Variants in COL14A1 observed in about 807,000 individuals in gnomAD.
The protein encoded by COL14A1 is collagen alpha-1(XIV) chain.
A neutral mutation model predicts 230.3 loss-of-function variants in COL14A1; 136 were observed. The ratio of observed to expected loss-of-function variants is 0.59; its 90% confidence interval spans 0.51 to 0.68. The LOEUF (loss-of-function observed/expected upper bound fraction) is 0.68, where lower values mean the gene tolerates loss of function less well. COL14A1 is among the 30% of genes least tolerant of loss of function. The probability of loss-of-function intolerance (pLI) is 0.00; values close to 1 mark genes in which losing one functional copy is unlikely to be tolerated. For synonymous variants in COL14A1, 792 were observed against 784.1 expected (o/e 1.01, Z -0.17); for missense variants, 1,976 against 2,215.8 (o/e 0.89, Z 2.17).
chr8:120,246,224 C>T (rs143831423), intron 20 of COL14A1, among the ~76,000 whole-genome samples: 1,673 of 152,244 alleles, frequency 0.011, 30 homozygotes, highest in African/African-American at 0.038. Flanking sequence ...TCCCTCCTCC[C>T]GTGCTTATGC....
intron 25 of COL14A1, 72 bp from the exon 26 acceptor site, chr8:120,269,963 T>C: frequency 5.3e-6 from 8 of 1,506,682 alleles, no homozygotes; most frequent in Non-Finnish European, 7.3e-6. Context: ...GCAACCATTA[T>C]TTGTCTTATT....
intron 47 of COL14A1, chr8:120,370,407 T>C: frequency 6.2e-7 from 1 of 1,607,454 alleles, no homozygotes; most frequent in Non-Finnish European, 8.5e-7. Flanking sequence ...GCCCCAGACA[T>C]TTAGCTGTGG....
chr8:120,195,985 C>G (rs1817023191), intron 5 of COL14A1, among the ~76,000 whole-genome samples: 1 of 152,194 alleles, frequency 6.6e-6, no homozygotes, highest in Non-Finnish European at 1.5e-5. Flanking sequence ...AGGCAGCCTC[C>G]TCCATTGTTG....
At chr8:120,144,475 A>G (rs938708266) in intron 1 of COL14A1, among the ~76,000 whole-genome samples, 4 of 152,206 alleles carry the variant, frequency 2.6e-5, no homozygotes, top group South Asian at 2.1e-4. Context: ...ATGAATTGTC[A>G]TAAAGGCAAG....
chr8:120,221,922 C>G (rs1333589416), intron 14 of COL14A1, among the ~76,000 whole-genome samples: 1 of 152,170 alleles, frequency 6.6e-6, no homozygotes, highest in Non-Finnish European at 1.5e-5. Flanking sequence ...TCAGCCATGA[C>G]AATTCAAAAC....
intron 5 of COL14A1, among the ~76,000 whole-genome samples, chr8:120,178,149 T>C (rs1462140839): frequency 2.0e-5 from 3 of 152,108 alleles, no homozygotes; most frequent in African/African-American, 7.2e-5. Context: ...TTTTGTTACG[T>C]AGGTATACAC....
In COL14A1 at chr8:120,371,985, C is replaced by T. The variant is rs1051193087; in HGVS notation, c.*754C>T. 16 of 223,500 alleles carry T rather than the reference C, an allele frequency of 7.2e-5. No homozygotes were observed. Among genetic ancestry groups the T allele is most frequent in the South Asian group, 1.8e-4 (1 of 5,466 alleles). 13.8% of individuals were successfully genotyped at this position (223,500 alleles called of 1,614,324 possible). A position where few individuals can be genotyped will look rare whatever the true frequency, so the allele number is the denominator to read the frequency against. On this transcript the variant is annotated 3_prime_UTR_variant, in exon 48 of 48. Transcript: ENST00000297848. Reference sequence around the variant, plus strand: ...TACTTTGTACATGCAGATAAGTTTTCGCAAACCTATTTCCATTTTCTTTTG... The same window carrying T: ...TACTTTGTACATGCAGATAAGTTTTTGCAAACCTATTTCCATTTTCTTTTG...
At chr8:120,136,055 G>A (rs1228950074) in intron 1 of COL14A1, among the ~76,000 whole-genome samples, 1 of 152,010 alleles carries the variant, frequency 6.6e-6, no homozygotes, top group Non-Finnish European at 1.5e-5. Flanking sequence ...TGTGAATAGA[G>A]TCAGTTTACT....
chr8:120,191,295 G>A (rs1439180972), intron 5 of COL14A1, among the ~76,000 whole-genome samples: 7 of 151,540 alleles, frequency 4.6e-5, no homozygotes, highest in South Asian at 4.2e-4. Flanking sequence ...CCTTCATTTC[G>A]TTATGTACCC....
In COL14A1 at chr8:120,228,756, A is replaced by T; in HGVS notation, c.2184A>T (p.Thr728=). The T allele has an allele frequency of 6.2e-7, 1 of 1,613,928 alleles. No individual in the cohort carries two copies. The highest frequency in any genetic ancestry group is 8.5e-7 in the Non-Finnish European group (1 of 1,179,830). ...CAGCTACAACCATAGTGCCTACCAC[A>T]TCTGTGACTTCAGGTAAGGTCAAAT... is the stretch of plus-strand genomic sequence containing the variant. ...TEPATTIVPT[T]SVTSVFQTGI... is the part of the protein sequence containing the mutation. Residue 728 remains threonine, a synonymous_variant, in exon 18 of 48, where the codon ACA becomes ACT. Transcript: ENST00000297848.
intron 10 of COL14A1, among the ~76,000 whole-genome samples, chr8:120,207,459 T>C (rs986404563): frequency 1.3e-5 from 2 of 152,224 alleles, no homozygotes; most frequent in African/African-American, 4.8e-5. Flanking sequence ...CTTTCTGCCT[T>C]AGTTAAGTCT....
rs372036216 is a variant in COL14A1 at position 120,207,943 on chromosome 8, G to A, written c.1192-289G>A. Among the ~76,000 whole-genome samples the A allele has an allele frequency of 2.6e-5, 4 of 151,716 alleles. No homozygotes were observed. The East Asian group carries it at 7.7e-4, about 29-fold the overall frequency. ...CCAAAGCTCTATGGAAAAATATCATGTTTACTGTTATTAAGTGGATGTAAA... is the reference window on the plus strand; with the variant it reads ...CCAAAGCTCTATGGAAAAATATCATATTTACTGTTATTAAGTGGATGTAAA... On this transcript the variant is annotated intron_variant, in intron 10 of 47. Coordinates refer to ENST00000297848, the MANE Select transcript of COL14A1 (RefSeq NM_021110.4).
Position 120,371,727 on chromosome 8 carries a change from A to C in COL14A1, c.*496A>C, listed in dbSNP as rs1812163307. On this transcript the variant is annotated 3_prime_UTR_variant, in exon 48 of 48. Coordinates refer to ENST00000297848, the MANE Select transcript of COL14A1 (RefSeq NM_021110.4). ...GGAGAAACTACCTCTTGTTTAATTG[A>C]TCTGTCCAACTCTGAGATCACTTGG... 2 of 397,744 alleles carry C rather than the reference A, an allele frequency of 5.0e-6. No individual in the cohort carries two copies. Among genetic ancestry groups the C allele is most frequent in the African/African-American group, 2.1e-5 (1 of 48,604 alleles). 24.6% of individuals were successfully genotyped at this position (397,744 alleles called of 1,614,324 possible). A position where few individuals can be genotyped will look rare whatever the true frequency, so the allele number is the denominator to read the frequency against.
chr8:120,241,021 C>T (rs1186631004), intron 19 of COL14A1, among the ~76,000 whole-genome samples: 3 of 152,122 alleles, frequency 2.0e-5, no homozygotes, highest in Non-Finnish European at 2.9e-5. Context: ...TCAGAATTTT[C>T]TAGAGCCTCA....
intron 42 of COL14A1, among the ~76,000 whole-genome samples, chr8:120,335,989 A>G (rs1475186675): frequency 1.3e-5 from 2 of 152,224 alleles, no homozygotes; most frequent in African/African-American, 4.8e-5. Context: ...TGAAAGCCAC[A>G]TCAGTTGCAC....
chr8:120,273,559 A>G (rs544250872), intron 26 of COL14A1, among the ~76,000 whole-genome samples: 1 of 152,000 alleles, frequency 6.6e-6, no homozygotes, highest in Non-Finnish European at 1.5e-5. Context: ...TTTAACCAAG[A>G]AAAAAGAGAG....
Position 120,162,421 on chromosome 8 carries a change from T to C in COL14A1, c.206-5T>C, listed in dbSNP as rs1253702748. On this transcript the variant is annotated splice_region_variant and splice_polypyrimidine_tract_variant and intron_variant, in intron 3 of 47. Transcript: ENST00000297848. ...GAACTGATTTATTTTTCTCTTTTAT[T>C]ATAGGTGGAAAAACTAACCAGCTGA... 6.3e-7 allele frequency: 1 copy of C among 1,593,570 alleles called. No individual in the cohort carries two copies. Among genetic ancestry groups the C allele is most frequent in the Non-Finnish European group, 8.5e-7 (1 of 1,173,240 alleles).
chr8:120,202,749 C>A (rs1032505395), intron 8 of COL14A1, among the ~76,000 whole-genome samples: 2 of 151,784 alleles, frequency 1.3e-5, no homozygotes, highest in Non-Finnish European at 2.9e-5. Flanking sequence ...TGATCACACT[C>A]TTTTTTAAGG....
intron 37 of COL14A1, among the ~76,000 whole-genome samples, chr8:120,312,830 CG>C (rs1821090218): frequency 6.6e-6 from 1 of 152,120 alleles, no homozygotes; most frequent in Non-Finnish European, 1.5e-5. Context: ...TCCCATGTAA[CG>C]TGTTCACCAA....
Sources: allele counts gnomAD v4.1 joint callset (sites outside exome capture counted in the v4.1 genomes callset), GRCh38; gene constraint gnomAD v4.1.1; transcripts MANE v1.5; gene names NCBI Gene and HGNC (gene_info 2026-07-23, HGNC 2026-07-21).